The following MCPH1 variants were observed in gnomAD, a reference collection of about 807,000 sequenced individuals.
The protein encoded by MCPH1 is microcephalin 1, also known as microcephalin.
MCPH1 carries 104 observed loss-of-function variants against 84.5 expected under a neutral mutation model. That is an observed-to-expected ratio of 1.23 (90% confidence interval 1.05 to 1.45). The LOEUF (loss-of-function observed/expected upper bound fraction) is 1.45. Ranked by LOEUF, MCPH1 falls within the 40% of genes most tolerant of loss-of-function variation. MCPH1 has a pLI of 0.00. For missense variants in MCPH1, 1,498 were observed against 1,005.7 expected (o/e 1.49, Z -6.62); for synonymous variants, 514 against 366.8 (o/e 1.40, Z -4.58).
rs1040240388 is a variant in MCPH1 at position 6,445,043 on chromosome 8, C to T, written c.1321C>T (p.Gln441Ter). ...ATCTCAGCTGCCATCAAGCCCTGCT[C>T]AGTTGAGCTGCAGAAGTCTTTCTAA... ...PESQLPSSPA[Q>*]LSCRSLSKKE... Residue 441 changes from glutamine (Q) to a stop codon, truncating the protein, a stop_gained, in exon 8 of 14, where the codon CAG becomes TAG. Coordinates refer to ENST00000344683, the MANE Select transcript of MCPH1 (RefSeq NM_024596.5). LOFTEE classifies it high-confidence loss of function. 1.9e-6 allele frequency: 3 copies of T among 1,614,090 alleles called. No homozygotes were observed. Among genetic ancestry groups the T allele is most frequent in the Middle Eastern group, 3.3e-4 (2 of 6,084 alleles).
intron 12 of MCPH1, chr8:6,616,329 CA>C (rs1411774277): frequency 6.6e-6 from 1 of 152,184 alleles, no homozygotes; most frequent in African/African-American, 2.4e-5. Context: ...AATGAACCGT[CA>C]GCCACCCATG....
At chr8:6,421,757 C>T (rs1800236596) in intron 3 of MCPH1, among the ~76,000 whole-genome samples, 1 of 152,176 alleles carries the variant, frequency 6.6e-6, no homozygotes, top group Non-Finnish European at 1.5e-5. Flanking sequence ...TTCCCCTTTA[C>T]AGAAGTTTGC....
intron 12 of MCPH1, chr8:6,519,871 T>C: frequency 1.2e-6 from 2 of 1,613,896 alleles, no homozygotes; most frequent in Non-Finnish European, 1.7e-6. Flanking sequence ...CACCTTGATC[T>C]CTTCTGTAGA....
In MCPH1 at chr8:6,445,054, C is replaced by T. The variant is rs370711914; in HGVS notation, c.1332C>T (p.Cys444=). The change falls in exon 8 of 14, where the codon TGC becomes TGT. Residue 444 remains cysteine (C), a synonymous_variant. Transcript: ENST00000344683. The stretch of plus-strand genomic sequence containing the variant: ...CATCAAGCCCTGCTCAGTTGAGCTG[C>T]AGAAGTCTTTCTAAGAAGGAGAGAA... ...QLPSSPAQLS[C]RSLSKKERTS... is the part of the protein sequence containing the mutation. 8 of 1,614,190 alleles carry T rather than the reference C, an allele frequency of 5.0e-6. No homozygotes were observed. The highest frequency in any genetic ancestry group is 2.2e-5 in the East Asian group (1 of 44,886).
intron 12 of MCPH1, among the ~76,000 whole-genome samples, chr8:6,572,469 T>C (rs1020403731): frequency 1.3e-5 from 2 of 152,354 alleles, no homozygotes; most frequent in Non-Finnish European, 2.9e-5. Flanking sequence ...CAATTGTTAA[T>C]GGAAATGATA....
chr8:6,433,234 C>T (rs1489377309), intron 4 of MCPH1, among the ~76,000 whole-genome samples: 2 of 152,130 alleles, frequency 1.3e-5, no homozygotes, highest in African/African-American at 4.8e-5. Flanking sequence ...ACTTAAGCCA[C>T]ATATTTGAGT....
At chr8:6,412,445 G>A (rs1043334040) in intron 2 of MCPH1, among the ~76,000 whole-genome samples, 11 of 152,270 alleles carry the variant, frequency 7.2e-5, no homozygotes, top group Non-Finnish European at 1.2e-4. Context: ...ATCAATAGTC[G>A]TTAACATCGT....
At chr8:6,487,464 G>A (rs1302560427) in intron 11 of MCPH1, among the ~76,000 whole-genome samples, 1 of 152,196 alleles carries the variant, frequency 6.6e-6, no homozygotes, top group Non-Finnish European at 1.5e-5. Context: ...AACCAGAACT[G>A]GAATCTCAGC....
At chr8:6,431,698 T>C (rs925942351) in intron 4 of MCPH1, 112 bp downstream of exon 4, 57 of 701,666 alleles carry the variant, frequency 8.1e-5, no homozygotes, top group East Asian at 6.0e-4. Flanking sequence ...GTCTTAAATA[T>C]GCTATTGATG....
intron 12 of MCPH1, among the ~76,000 whole-genome samples, chr8:6,587,119 A>C (rs1235413318): frequency 6.6e-6 from 1 of 151,694 alleles, no homozygotes; most frequent in Non-Finnish European, 1.5e-5. Context: ...ACTTGGCCTG[A>C]GTATGCGTGC....
chr8:6,475,837 C>T lies in MCPH1; in HGVS notation c.1936-1757C>T, dbSNP rs190185010. Reference sequence around the variant, plus strand: ...TGAGAGGTGGTCCCTGTGGCATACTCCACAGTCCATGTGGGGTGTGGGGTT... The same window carrying T: ...TGAGAGGTGGTCCCTGTGGCATACTTCACAGTCCATGTGGGGTGTGGGGTT... On this transcript the variant is annotated intron_variant, in intron 9 of 13. Coordinates refer to ENST00000344683, the MANE Select transcript of MCPH1 (RefSeq NM_024596.5). Among the ~76,000 whole-genome samples the T allele has an allele frequency of 2.7e-3, 411 of 152,214 alleles. 1 individual carries two copies. The highest frequency in any genetic ancestry group is 4.4e-3 in the Non-Finnish European group (302 of 68,010).
chr8:6,409,182 G>A lies in MCPH1; in HGVS notation c.23-97G>A, dbSNP rs974605250. The A allele has an allele frequency of 6.8e-6, 7 of 1,030,314 alleles. No individual in the cohort carries two copies. The African/African-American group carries it at 7.9e-5, about 12-fold the overall frequency. 63.8% of individuals were successfully genotyped at this position (1,030,314 alleles called of 1,614,324 possible). A position where few individuals can be genotyped will look rare whatever the true frequency, so the allele number is the denominator to read the frequency against. ...ATTACAGGCGTGAGCCACTGTGCCG[G>A]CCTCGGTTTACTCTTAAATGTAAAT... On this transcript the variant is annotated intron_variant, in intron 1 of 13. Transcript: ENST00000344683.
chr8:6,550,517 G>A (rs1344962684), intron 12 of MCPH1, among the ~76,000 whole-genome samples: 1 of 152,202 alleles, frequency 6.6e-6, no homozygotes, highest in Non-Finnish European at 1.5e-5. Flanking sequence ...AAACTGGCCT[G>A]CTCACCATTT....
chr8:6,428,914 T>A (rs1801448072), intron 3 of MCPH1, among the ~76,000 whole-genome samples: 1 of 68,272 alleles, frequency 1.5e-5, no homozygotes. Context: ...ACCTCCATAT[T>A]TCTAAATACT....
intron 12 of MCPH1, among the ~76,000 whole-genome samples, chr8:6,544,500 T>C (rs190092437): frequency 2.4e-4 from 37 of 152,346 alleles, no homozygotes; most frequent in Admixed American, 2.2e-3. Flanking sequence ...AACTGTTTTT[T>C]ACAAAATACC....
chr8:6,491,032 T>C (rs186628066), intron 11 of MCPH1, among the ~76,000 whole-genome samples: 49 of 142,966 alleles, frequency 3.4e-4, no homozygotes, highest in African/African-American at 1.2e-3. Context: ...AATATTAAAA[T>C]TTAAAATTTA....
chr8:6,460,835 T>C (rs993737661), intron 9 of MCPH1, among the ~76,000 whole-genome samples: 30 of 152,254 alleles, frequency 2.0e-4, no homozygotes, highest in African/African-American at 6.7e-4. Context: ...CATGACTCAC[T>C]GACTTAGTAG....
chr8:6,604,201 A>C (rs981163430), intron 12 of MCPH1, among the ~76,000 whole-genome samples: 1 of 52,024 alleles, frequency 1.9e-5, no homozygotes, highest in African/African-American at 4.1e-5. Flanking sequence ...TTTGCACTGG[A>C]AGGAGCCACA....
At chr8:6,625,863 G>A (rs971284035) in intron 13 of MCPH1, 14 of 985,318 alleles carry the variant, frequency 1.4e-5, no homozygotes, top group Non-Finnish European at 1.7e-5. Context: ...TGCAGATGTC[G>A]TAAACTCACA....
Sources: allele counts gnomAD v4.1 joint callset (sites outside exome capture counted in the v4.1 genomes callset), GRCh38; gene constraint gnomAD v4.1.1; transcripts MANE v1.5; gene names NCBI Gene and HGNC (gene_info 2026-07-23, HGNC 2026-07-21).